Variants in PRSS27 observed in about 807,000 individuals in gnomAD.
The protein encoded by PRSS27 is channel-activating protease 2.
A neutral mutation model predicts 32.0 loss-of-function variants in PRSS27; 25 were observed. The ratio of observed to expected loss-of-function variants is 0.78; its 90% CI spans 0.57 to 1.09. The LOEUF (loss-of-function observed/expected upper bound fraction) is 1.09. Ranked by LOEUF, PRSS27 falls within the 50% of genes least tolerant of loss-of-function variation. The pLI is 0.00. For missense variants in PRSS27, 401 were observed against 394.9 expected (o/e 1.02, Z -0.13); for synonymous variants, 178 against 172.2 (o/e 1.03, Z -0.26).
chr16:2,715,483 AG>A (rs1489450995), intron 3 of PRSS27: 9 of 368,920 alleles, frequency 2.4e-5, no homozygotes, highest in Admixed American at 8.3e-5. Flanking sequence ...GAGGGGATGG[AG>A]GGGGTCGGGG....
chr16:2,713,015 G>A (rs1449932226), intron 5 of PRSS27: 2 of 558,000 alleles, frequency 3.6e-6, no homozygotes, highest in African/African-American at 1.9e-5. Flanking sequence ...GGGTGTGTGT[G>A]TGTGTTGAAA....
In PRSS27 at chr16:2,714,081, G is replaced by GC; in HGVS notation, c.491dup (p.Ser165GlnfsTer4). On this transcript the variant is annotated frameshift_variant, in exon 4 of 6. Transcript: ENST00000302641. LOFTEE classifies it high-confidence loss of function. This position sits in a 1 kb window ranked among gnomAD's most constrained non-coding sequence, Gnocchi z 4.7. Reference sequence around the variant, plus strand: ...TCCCCTTACCTTCCTCACTGGGGCTGCCCCAGCCAGTGACCCAGCAGTTCA... The same window carrying GC: ...TCCCCTTACCTTCCTCACTGGGGCTGCCCCCAGCCAGTGACCCAGCAGTTCA... 6.2e-7 allele frequency: 1 copy of GC among 1,610,722 alleles called. No homozygotes were observed. The highest frequency in any genetic ancestry group is 8.5e-7 in the Non-Finnish European group (1 of 1,178,220).
intron 5 of PRSS27, chr16:2,713,193 G>T (rs1318498282): frequency 2.0e-5 from 9 of 456,778 alleles, no homozygotes; most frequent in Non-Finnish European, 3.2e-5. Flanking sequence ...CCGCCTCCCA[G>T]GTTCGCGCCA....
In PRSS27 at chr16:2,714,076, G is replaced by C. The variant is rs1269397652; in HGVS notation, c.497C>G (p.Pro166Arg). 1.2e-6 allele frequency: 2 copies of C among 1,609,382 alleles called. No individual in the cohort carries two copies. The highest frequency in any genetic ancestry group is 1.3e-5 in the African/African-American group (1 of 74,856). Residue 166 changes from proline to arginine, a missense_variant, in exon 4 of 6, where the codon CCC becomes CGC. Transcript: ENST00000302641. The surrounding 1 kb of genome is among the most constrained non-coding windows in gnomAD (Gnocchi z 4.7). ...CCCTGTCCCCTTACCTTCCTCACTG[G>C]GGCTGCCCCAGCCAGTGACCCAGCA... ...MNCWVTGWGS[P>R]SEEDLLPEPR...
Position 2,712,510 on chromosome 16 carries a change from T to G in PRSS27, c.*110A>C. On this transcript the variant is annotated 3_prime_UTR_variant, in exon 6 of 6. Transcript: ENST00000302641. This position sits in a 1 kb window ranked among gnomAD's most constrained non-coding sequence, Gnocchi z 4.6. ...GGAAGGAGCGCTATTTACAAATGAG[T>G]CTGGTGGGGCTCACAGGTGCAACAG... is the stretch of plus-strand genomic sequence containing the variant. 1 of 861,156 alleles carries G rather than the reference T, an allele frequency of 1.2e-6. No homozygotes were observed. Among genetic ancestry groups the G allele is most frequent in the South Asian group, 1.8e-5 (1 of 56,884 alleles). 53.3% of individuals were successfully genotyped at this position (861,156 alleles called of 1,614,324 possible).
In PRSS27 at chr16:2,717,637, C is replaced by T. The variant is rs2142067973; in HGVS notation, c.47-1111G>A. 1 of 152,602 alleles carries T rather than the reference C, an allele frequency of 6.6e-6. No individual in the cohort carries two copies. Among genetic ancestry groups the T allele is most frequent in the East Asian group, 1.9e-4 (1 of 5,182 alleles). The allele number at this position is 152,602 out of a possible 1,614,324, so 9.5% of individuals were successfully genotyped here. ...CGGTGCCCGGGCCAGCTGCTATGGACCATGTCTTCACTCTGCCCGGAAAAG... is the reference window on the plus strand; with the variant it reads ...CGGTGCCCGGGCCAGCTGCTATGGATCATGTCTTCACTCTGCCCGGAAAAG... On this transcript the variant is annotated intron_variant, in intron 1 of 5. Transcript: ENST00000302641. This position sits in a 1 kb window ranked among gnomAD's most constrained non-coding sequence, Gnocchi z 4.1.
intron 3 of PRSS27, 109 bp downstream of exon 3, chr16:2,715,609 G>A: frequency 2.4e-6 from 2 of 832,824 alleles, no homozygotes; most frequent in Non-Finnish European, 3.6e-6. Flanking sequence ...GAGCCCCCAG[G>A]GAGGTCACCC....
At chr16:2,713,943 A>G (rs941236096) in intron 4 of PRSS27, 122 bp downstream of exon 4, 3 of 1,186,894 alleles carry the variant, frequency 2.5e-6, no homozygotes, top group Non-Finnish European at 3.6e-6. Flanking sequence ...ACCTGTGTGA[A>G]CAGAGACCGT....
chr16:2,713,778 C>A, intron 4 of PRSS27, 80 bp from the exon 5 acceptor site: 1 of 1,478,226 alleles, frequency 6.8e-7, no homozygotes, highest in Non-Finnish European at 9.3e-7. Flanking sequence ...CCACTCCATC[C>A]TGCCTGTCGT....
At position 2,716,492 on chromosome 16, in the gene PRSS27, G is replaced by C. The variant is rs2067703220; in HGVS notation, c.73+8C>G. The C allele has an allele frequency of 4.4e-6, 7 of 1,604,250 alleles. No individual in the cohort carries two copies. The highest frequency in any genetic ancestry group is 5.1e-6 in the Non-Finnish European group (6 of 1,177,236). On this transcript the variant is annotated splice_region_variant and intron_variant, in intron 2 of 5. Coordinates refer to ENST00000302641, the MANE Select transcript of PRSS27 (RefSeq NM_031948.5). ...TGTCCCTCCCACCCCAGGGCCCTGGGTGCTTACCTGTTGCTGCCTTGGCCC... is the reference window on the plus strand; with the variant it reads ...TGTCCCTCCCACCCCAGGGCCCTGGCTGCTTACCTGTTGCTGCCTTGGCCC...
chr16:2,715,922 T>C, intron 2 of PRSS27, 42 bp from the exon 3 acceptor site: 1 of 1,491,370 alleles, frequency 6.7e-7, no homozygotes, highest in Non-Finnish European at 9.0e-7. Flanking sequence ...TCACTGGGGC[T>C]GGTTCCATGG....
At position 2,712,897 on chromosome 16, in the gene PRSS27, C is replaced by G; in HGVS notation, c.679-83G>C. 9.1e-7 allele frequency: 1 copy of G among 1,095,276 alleles called. No individual in the cohort carries two copies. The highest frequency in any genetic ancestry group is 1.3e-6 in the Non-Finnish European group (1 of 788,882). 67.8% of individuals were successfully genotyped at this position (1,095,276 alleles called of 1,614,324 possible). On this transcript the variant is annotated intron_variant, in intron 5 of 5. Transcript: ENST00000302641. This position sits in a 1 kb window ranked among gnomAD's most constrained non-coding sequence, Gnocchi z 4.6. ...GCAGCCGCACAGGAGGTGTGTAGCT[C>G]CGCAATGGATTCCTTCTCTCCATCC...
chr16:2,714,583 T>C lies in PRSS27; in HGVS notation c.237-247A>G. 1 of 567,090 alleles carries C rather than the reference T, an allele frequency of 1.8e-6. No homozygotes were observed. 35.1% of individuals were successfully genotyped at this position (567,090 alleles called of 1,614,324 possible). Reference sequence around the variant, plus strand: ...GCCTTGGGCAAGTCACTTAACAAGTTCTCTGTGATGCAGCTTTCTCACCTG... The same window carrying C: ...GCCTTGGGCAAGTCACTTAACAAGTCCTCTGTGATGCAGCTTTCTCACCTG... On this transcript the variant is annotated intron_variant, in intron 3 of 5. Coordinates refer to ENST00000302641, the MANE Select transcript of PRSS27 (RefSeq NM_031948.5). This position sits in a 1 kb window ranked among gnomAD's most constrained non-coding sequence, Gnocchi z 4.7.
At position 2,714,397 on chromosome 16, in the gene PRSS27, G is replaced by A; in HGVS notation, c.237-61C>T. The A allele has an allele frequency of 6.3e-7, 1 of 1,579,550 alleles. No individual in the cohort carries two copies. The highest frequency in any genetic ancestry group is 8.6e-7 in the Non-Finnish European group (1 of 1,165,924). ...CCCTCGTGTGGGGACAGGCCCGGGAGGGGCTGGGGCTCCTCTGGCCACCAC... is the reference window on the plus strand; with the variant it reads ...CCCTCGTGTGGGGACAGGCCCGGGAAGGGCTGGGGCTCCTCTGGCCACCAC... On this transcript the variant is annotated intron_variant, in intron 3 of 5. Coordinates refer to ENST00000302641, the MANE Select transcript of PRSS27 (RefSeq NM_031948.5). This position sits in a 1 kb window ranked among gnomAD's most constrained non-coding sequence, Gnocchi z 4.7.
At position 2,714,355 on chromosome 16, in the gene PRSS27, A is replaced by T; in HGVS notation, c.237-19T>A. The T allele has an allele frequency of 4.4e-6, 7 of 1,604,832 alleles. No individual in the cohort carries two copies. Among genetic ancestry groups the T allele is most frequent in the Non-Finnish European group, 5.9e-6 (7 of 1,177,682 alleles). On this transcript the variant is annotated intron_variant, in intron 3 of 5. Coordinates refer to ENST00000302641, the MANE Select transcript of PRSS27 (RefSeq NM_031948.5). This position sits in a 1 kb window ranked among gnomAD's most constrained non-coding sequence, Gnocchi z 4.7. ...AGAGGTGCTGGCGGGAGAAACAGAG[A>T]GGCGGCGTGAGGCGGCCCCTCGTGT...
Position 2,712,826 on chromosome 16 carries a change from G to A in PRSS27, c.679-12C>T, listed in dbSNP as rs1213613172. On this transcript the variant is annotated splice_polypyrimidine_tract_variant and intron_variant, in intron 5 of 5. Coordinates refer to ENST00000302641, the MANE Select transcript of PRSS27 (RefSeq NM_031948.5). This position sits in a 1 kb window ranked among gnomAD's most constrained non-coding sequence, Gnocchi z 4.6. ...CCGCCCGAGTCGCCCTGCGGGGGAC[G>A]CAGAGTCACCGTCAGAGCCCACCTT... 4.6e-6 allele frequency: 7 copies of A among 1,527,932 alleles called. No homozygotes were observed. Among genetic ancestry groups the A allele is most frequent in the African/African-American group, 1.4e-5 (1 of 72,598 alleles). The allele number at this position is 1,527,932 out of a possible 1,614,324, so 94.6% of individuals were successfully genotyped here.
At chr16:2,716,291 C>T (rs1401767865) in intron 2 of PRSS27, 23 of 612,214 alleles carry the variant, frequency 3.8e-5, no homozygotes, top group Non-Finnish European at 5.6e-5. Context: ...TCCTGCACCG[C>T]GCCTCAAGGC....
intron 3 of PRSS27, chr16:2,715,490 C>T (rs1300108939): frequency 2.3e-6 from 1 of 429,496 alleles, no homozygotes; most frequent in African/African-American, 3.2e-5. Flanking sequence ...TGGAGGGGGT[C>T]GGGGGGCGGT....
At position 2,720,142 on chromosome 16, in the gene PRSS27, C is replaced by G. The variant is rs1430906019; in HGVS notation, c.19G>C (p.Val7Leu). 6 of 1,598,578 alleles carry G rather than the reference C, an allele frequency of 3.8e-6. No homozygotes were observed. Among genetic ancestry groups the G allele is most frequent in the South Asian group, 1.1e-5 (1 of 88,958 alleles). MRRPAA[V>L]PLLLLLCFGS... ...AAACACAGCAGCAGCAGGAGCGGCA[C>G]CGCCGCCGGCCGCCTCATGTCCTCA... The change falls in exon 1 of 6, where the codon GTG (valine) becomes CTG (leucine). Residue 7 changes from valine to leucine, a missense_variant. Transcript: ENST00000302641.
Sources: gnomAD v4.1 joint callset for allele counts on GRCh38, gnomAD v4.1.1 for gene constraint, Gnocchi (gnomAD v3.1) non-coding constraint, MANE v1.5 for transcripts, NCBI Gene and HGNC (gene_info 2026-07-23, HGNC 2026-07-21) for gene names.